LAMA4: variants seen among roughly 807,000 people sequenced by gnomAD.
LAMA4 encodes laminin subunit alpha-4.
A neutral mutation model predicts 207.1 loss-of-function variants in LAMA4; 127 were observed. The ratio of observed to expected loss-of-function variants is 0.61; its 90% CI spans 0.53 to 0.71. LAMA4 has a LOEUF of 0.71. LAMA4 is among the 30% of genes least tolerant of loss of function. LAMA4 has a pLI of 0.00. For synonymous variants in LAMA4, 761 were observed against 816.0 expected (o/e 0.93, Z 1.15); for missense variants, 2,093 against 2,246.5 (o/e 0.93, Z 1.38).
At position 112,116,066 on chromosome 6, in the gene LAMA4, T is replaced by C. The variant is rs1485400661; in HGVS notation, c.4982-73A>G. On this transcript the variant is annotated intron_variant, in intron 35 of 38. Coordinates refer to ENST00000230538, the MANE Select transcript of LAMA4 (RefSeq NM_001105206.3). ...TGTAACTATGGTGTGATTTTGTAAT[T>C]ATATATATTTTTATCTGTTTTTGAA... 13 of 1,421,258 alleles carry C rather than the reference T, an allele frequency of 9.1e-6. No homozygotes were observed. In the Admixed American group the frequency reaches 2.1e-4, roughly 23 times the overall value. The allele number at this position is 1,421,258 out of a possible 1,614,324, so 88.0% of individuals were successfully genotyped here.
At chr6:112,128,676 A>G (rs1395720766) in intron 31 of LAMA4, among the ~76,000 whole-genome samples, 1 of 152,224 alleles carries the variant, frequency 6.6e-6, no homozygotes, top group East Asian at 1.9e-4. Context: ...CATGTATTGA[A>G]AGATCACTCT....
Position 112,181,859 on chromosome 6 carries a change from G to A in LAMA4, c.1077+3378C>T, listed in dbSNP as rs187138322. 9.8e-3 allele frequency among the ~76,000 whole-genome samples: 1,499 copies of A among 152,216 alleles called. 10 individuals are homozygous for A. Among genetic ancestry groups the A allele is most frequent in the Non-Finnish European group, 0.014 (986 of 68,014 alleles). On this transcript the variant is annotated intron_variant, in intron 9 of 38. Coordinates refer to ENST00000230538, the MANE Select transcript of LAMA4 (RefSeq NM_001105206.3). ...CACGCCTGTAATTCCAGCACTTTGG[G>A]AGGCCGAGGCGGGTGGATCACGAGG...
intron 19 of LAMA4, among the ~76,000 whole-genome samples, chr6:112,142,584 C>G (rs1554333607): frequency 6.6e-6 from 1 of 152,190 alleles, no homozygotes; most frequent in African/African-American, 2.4e-5. Flanking sequence ...AACTAAACAA[C>G]TTGCTCAAGT....
intron 12 of LAMA4, chr6:112,172,331 G>T (rs1381664407): frequency 1.3e-5 from 5 of 397,750 alleles, no homozygotes; most frequent in African/African-American, 1.0e-4. Flanking sequence ...GCTATGCATT[G>T]CTTACCCACT....
chr6:112,189,017 T>C, intron 7 of LAMA4, 93 bp downstream of exon 7: 1 of 929,884 alleles, frequency 1.1e-6, no homozygotes, highest in South Asian at 1.4e-5. Context: ...CTCAGCAGTT[T>C]CTAGAGAGTG....
intron 2 of LAMA4, among the ~76,000 whole-genome samples, chr6:112,223,335 G>A (rs1009988577): frequency 6.6e-6 from 1 of 152,198 alleles, no homozygotes; most frequent in Non-Finnish European, 1.5e-5. Context: ...TAGGCATTTA[G>A]GGGATTTTGA....
At chr6:112,182,461 T>G (rs1173101517) in intron 9 of LAMA4, among the ~76,000 whole-genome samples, 1 of 152,246 alleles carries the variant, frequency 6.6e-6, no homozygotes, top group African/African-American at 2.4e-5. Context: ...AAGCCATGAT[T>G]GAATCTATGA....
At chr6:112,113,003 C>T (rs1777794343) in intron 38 of LAMA4, among the ~76,000 whole-genome samples, 1 of 151,900 alleles carries the variant, frequency 6.6e-6, no homozygotes. Context: ...TTGGTAGTTA[C>T]TAGAGGCTGG....
At chr6:112,180,886 A>C (rs1356680474) in intron 9 of LAMA4, among the ~76,000 whole-genome samples, 1 of 152,190 alleles carries the variant, frequency 6.6e-6, no homozygotes, top group Non-Finnish European at 1.5e-5. Context: ...CCTAAACATT[A>C]ATGACCCTAA....
chr6:112,192,711 G>A (rs1248835511), intron 5 of LAMA4, among the ~76,000 whole-genome samples: 3 of 152,160 alleles, frequency 2.0e-5, no homozygotes, highest in African/African-American at 4.8e-5. Context: ...GCCTTGCCAA[G>A]CTGTGCACTC....
chr6:112,148,006 A>C, intron 18 of LAMA4, 151 bp downstream of exon 18: 1 of 689,682 alleles, frequency 1.4e-6, no homozygotes. Context: ...AGATAGATGA[A>C]CAGTGCAAAA....
At chr6:112,114,246 T>A in intron 37 of LAMA4, 51 bp from the exon 38 acceptor site, 1 of 1,444,832 alleles carries the variant, frequency 6.9e-7, no homozygotes, top group Non-Finnish European at 9.7e-7. Flanking sequence ...GTGATGAATT[T>A]TTAACCTGAG....
At chr6:112,111,288 C>T (rs1554321509) in intron 38 of LAMA4, among the ~76,000 whole-genome samples, 1 of 152,186 alleles carries the variant, frequency 6.6e-6, no homozygotes, top group African/African-American at 2.4e-5. Flanking sequence ...AAGTGATCCA[C>T]CCACCTTGGC....
At chr6:112,177,040 T>G (rs2114889591) in intron 10 of LAMA4, among the ~76,000 whole-genome samples, 1 of 152,354 alleles carries the variant, frequency 6.6e-6, no homozygotes, top group South Asian at 2.1e-4. Context: ...CATTTATTTC[T>G]TAGTTGGATA....
intron 2 of LAMA4, among the ~76,000 whole-genome samples, chr6:112,225,098 G>A (rs1441437017): frequency 1.3e-5 from 2 of 151,794 alleles, no homozygotes; most frequent in Non-Finnish European, 2.9e-5. Context: ...TGAAATTTGT[G>A]GATGATGTTA....
At position 112,129,921 on chromosome 6, in the gene LAMA4, T is replaced by C. The variant is rs782230925; in HGVS notation, c.4088A>G (p.Gln1363Arg). 38 of 1,612,494 alleles carry C rather than the reference T, an allele frequency of 2.4e-5. No homozygotes were observed. Among genetic ancestry groups the C allele is most frequent in the Non-Finnish European group, 2.9e-5 (34 of 1,179,204 alleles). The change falls in exon 30 of 39, where the codon CAG becomes CGG. Residue 1363 changes from glutamine (Q) to arginine (R), a missense_variant. By Grantham distance (43) the Gln-to-Arg change is conservative (BLOSUM62 1). Coordinates refer to ENST00000230538, the MANE Select transcript of LAMA4 (RefSeq NM_001105206.3). ...FYFGGSPISA[Q>R]YANFTGCISN... The stretch of plus-strand genomic sequence containing the variant: ...TATGCAGCCAGTGAAATTAGCATAC[T>C]GAGCACTGATTGGTGAGCCACCGAA...
intron 19 of LAMA4, 132 bp from the exon 20 acceptor site, chr6:112,142,424 CT>C: frequency 1.2e-6 from 1 of 828,202 alleles, no homozygotes; most frequent in Non-Finnish European, 2.1e-6. Context: ...TTACCACATC[CT>C]CCCCTAGTTG....
chr6:112,179,932 T>C (rs782516936), intron 9 of LAMA4: 12 of 532,974 alleles, frequency 2.3e-5, no homozygotes, highest in South Asian at 1.4e-4. Context: ...CCAGTCTTCT[T>C]CTTGGCTTGT....
At chr6:112,160,342 A>G (rs1378283600) in intron 13 of LAMA4, among the ~76,000 whole-genome samples, 1 of 152,178 alleles carries the variant, frequency 6.6e-6, no homozygotes, top group Non-Finnish European at 1.5e-5. Context: ...TGTATAAAGC[A>G]TGCTGCCCCA....
Sources: allele counts gnomAD v4.1 joint callset (sites outside exome capture counted in the v4.1 genomes callset), GRCh38; gene constraint gnomAD v4.1.1; transcripts MANE v1.5; gene names NCBI Gene and HGNC (gene_info 2026-07-23, HGNC 2026-07-21).